Variants in CNTNAP2 observed in about 807,000 individuals in gnomAD.
CNTNAP2 encodes contactin-associated protein-like 2.
CNTNAP2 carries 98 observed loss-of-function variants against 155.2 expected under a neutral mutation model. That is an observed-to-expected ratio of 0.63 (90% CI 0.54 to 0.75). The LOEUF is 0.75. Among genes scored for constraint, CNTNAP2 ranks in the 30% least tolerant of loss-of-function variants. The pLI is 0.00. For synonymous variants in CNTNAP2, 651 were observed against 631.2 expected (o/e 1.03, Z -0.47); for missense variants, 1,727 against 1,688.1 (o/e 1.02, Z -0.40).
At chr7:148,298,488 A>G (rs1488575596) in intron 21 of CNTNAP2, among the ~76,000 whole-genome samples, 2 of 152,022 alleles carry the variant, frequency 1.3e-5, no homozygotes, top group Admixed American at 1.3e-4. Context: ...TATTCTAGCC[A>G]CACTGGCAGC....
chr7:148,260,779 G>T (rs994975984), intron 20 of CNTNAP2, among the ~76,000 whole-genome samples: 1 of 152,176 alleles, frequency 6.6e-6, no homozygotes, highest in Non-Finnish European at 1.5e-5. Flanking sequence ...CTCCAGCTGG[G>T]CCTGAGAGTT....
At chr7:148,143,982 G>A (rs1427647466) in intron 16 of CNTNAP2, among the ~76,000 whole-genome samples, 1 of 152,164 alleles carries the variant, frequency 6.6e-6, no homozygotes, top group African/African-American at 2.4e-5. Flanking sequence ...GATCCATCCT[G>A]TGGGCCTTGG....
intron 3 of CNTNAP2, among the ~76,000 whole-genome samples, chr7:146,899,314 A>G (rs2129213242): frequency 6.6e-6 from 1 of 152,244 alleles, no homozygotes; most frequent in East Asian, 1.9e-4. Context: ...CAACAAGACA[A>G]GTTTATTGGA....
chr7:147,810,295 G>T (rs1168096345), intron 13 of CNTNAP2, among the ~76,000 whole-genome samples: 1 of 151,360 alleles, frequency 6.6e-6, no homozygotes, highest in East Asian at 1.9e-4. Flanking sequence ...AAGATCATAG[G>T]ACTCAGAGCT....
chr7:148,274,023 T>A (rs1049216292), intron 21 of CNTNAP2, among the ~76,000 whole-genome samples: 1 of 152,180 alleles, frequency 6.6e-6, no homozygotes, highest in African/African-American at 2.4e-5. Flanking sequence ...GTGATAACCA[T>A]GCTGCTCACA....
At chr7:146,756,218 T>G (rs945308503) in intron 1 of CNTNAP2, among the ~76,000 whole-genome samples, 7 of 151,972 alleles carry the variant, frequency 4.6e-5, no homozygotes, top group Non-Finnish European at 8.8e-5. Context: ...TTAACTAAGA[T>G]GAATTTATGA....
intron 1 of CNTNAP2, among the ~76,000 whole-genome samples, chr7:146,653,836 CAGA>C (rs1245051175): frequency 1.3e-5 from 2 of 151,974 alleles, no homozygotes; most frequent in East Asian, 1.9e-4. Context: ...GGGAAAGAAA[CAGA>C]AGAAGAGAAG....
At chr7:147,915,436 T>A (rs1800141317) in intron 14 of CNTNAP2, among the ~76,000 whole-genome samples, 1 of 152,198 alleles carries the variant, frequency 6.6e-6, no homozygotes, top group Non-Finnish European at 1.5e-5. Flanking sequence ...GTGGTCTTAT[T>A]CGTGCATATT....
chr7:147,856,334 A>G (rs931946142), intron 13 of CNTNAP2, among the ~76,000 whole-genome samples: 12 of 152,304 alleles, frequency 7.9e-5, no homozygotes, highest in Admixed American at 5.9e-4. Flanking sequence ...TTGGCCAAGC[A>G]GCGGACTCAT....
chr7:147,221,885 T>C (rs535422642), intron 8 of CNTNAP2, among the ~76,000 whole-genome samples: 8 of 152,144 alleles, frequency 5.3e-5, no homozygotes, highest in Admixed American at 2.0e-4. Flanking sequence ...GCTTTTTCTC[T>C]CTCAACACTA....
intron 1 of CNTNAP2, among the ~76,000 whole-genome samples, chr7:146,160,733 C>G (rs1201042740): frequency 1.3e-5 from 2 of 152,104 alleles, no homozygotes; most frequent in Non-Finnish European, 2.9e-5. Flanking sequence ...CAAAAAAAGT[C>G]CAGGACCAGA....
chr7:147,765,145 T>G (rs1797364549), intron 13 of CNTNAP2, among the ~76,000 whole-genome samples: 1 of 152,194 alleles, frequency 6.6e-6, no homozygotes, highest in African/African-American at 2.4e-5. Context: ...TACTGTTATT[T>G]TGGTGCACAT....
chr7:146,652,388 A>C (rs923172135), intron 1 of CNTNAP2, among the ~76,000 whole-genome samples: 2 of 152,034 alleles, frequency 1.3e-5, no homozygotes, highest in Non-Finnish European at 2.9e-5. Flanking sequence ...TTCATTATTT[A>C]TTTGCGATGT....
chr7:146,313,665 G>A (rs951331234), intron 1 of CNTNAP2, among the ~76,000 whole-genome samples: 3 of 152,042 alleles, frequency 2.0e-5, no homozygotes, highest in African/African-American at 7.2e-5. Context: ...TAGTATCTTT[G>A]TAGTTTTAGG....
intron 1 of CNTNAP2, among the ~76,000 whole-genome samples, chr7:146,707,898 A>G (rs1403017322): frequency 2.6e-5 from 4 of 152,086 alleles, no homozygotes; most frequent in African/African-American, 9.7e-5. Flanking sequence ...TATGTAGGGT[A>G]GGCATAGCAC....
intron 13 of CNTNAP2, among the ~76,000 whole-genome samples, chr7:147,731,397 G>T (rs1796736410): frequency 6.6e-6 from 1 of 151,966 alleles, no homozygotes; most frequent in South Asian, 2.1e-4. Context: ...TACTCTGCCT[G>T]TCCCCTAGAA....
At chr7:146,520,660 G>A (rs540774887) in intron 1 of CNTNAP2, among the ~76,000 whole-genome samples, 2 of 151,666 alleles carry the variant, frequency 1.3e-5, no homozygotes, top group East Asian at 3.9e-4. Flanking sequence ...TAATTATATT[G>A]TTTCTTTTTA....
At chr7:146,716,826 T>G (rs1801196340) in intron 1 of CNTNAP2, among the ~76,000 whole-genome samples, 1 of 152,230 alleles carries the variant, frequency 6.6e-6, no homozygotes, top group African/African-American at 2.4e-5. Flanking sequence ...GGATAAAGCT[T>G]AAGCGGGAGC....
At chr7:147,305,380 C>A (rs1795010017) in intron 9 of CNTNAP2, among the ~76,000 whole-genome samples, 1 of 152,188 alleles carries the variant, frequency 6.6e-6, no homozygotes, top group South Asian at 2.1e-4. Context: ...CTCCTTCAAG[C>A]ATTTGGCTGC....
Sources: allele counts gnomAD v4.1 joint callset (sites outside exome capture counted in the v4.1 genomes callset), GRCh38; gene constraint gnomAD v4.1.1; transcripts MANE v1.5; gene names NCBI Gene and HGNC (gene_info 2026-07-23, HGNC 2026-07-21).